Variants in DPYD observed in about 807,000 individuals in gnomAD.
The protein encoded by DPYD is dihydropyrimidine dehydrogenase [NADP(+)].
Under a neutral mutation model 116.2 loss-of-function variants are expected in DPYD, and 109 were observed. The ratio of observed to expected loss-of-function variants is 0.94; its 90% CI spans 0.80 to 1.10. DPYD has a LOEUF of 1.10. Among genes scored for constraint, DPYD ranks in the 50% least tolerant of loss-of-function variants. The probability of loss-of-function intolerance (pLI) is 0.00; values close to 1 mark genes in which losing one functional copy is unlikely to be tolerated. For missense variants in DPYD, 1,302 were observed against 1,254.5 expected (o/e 1.04, Z -0.57); for synonymous variants, 440 against 432.0 (o/e 1.02, Z -0.23).
chr1:97,702,002 C>T (rs905637295), intron 5 of DPYD, among the ~76,000 whole-genome samples: 27 of 151,542 alleles, frequency 1.8e-4, no homozygotes, highest in Admixed American at 1.7e-3. Flanking sequence ...GTATAATTTA[C>T]AAATTATTAA....
intron 3 of DPYD, among the ~76,000 whole-genome samples, chr1:97,779,199 T>G (rs1246223048): frequency 2.0e-5 from 3 of 152,112 alleles, no homozygotes; most frequent in Non-Finnish European, 2.9e-5. Context: ...TATAACTGAT[T>G]ACATGCTGGC....
chr1:97,578,888 G>A (rs1461654316), intron 10 of DPYD, among the ~76,000 whole-genome samples: 1 of 151,968 alleles, frequency 6.6e-6, no homozygotes, highest in Non-Finnish European at 1.5e-5. Context: ...CAGATAAAGA[G>A]TAAATTTAGA....
At chr1:97,178,001 A>T (rs1307661595) in intron 20 of DPYD, among the ~76,000 whole-genome samples, 1 of 152,098 alleles carries the variant, frequency 6.6e-6, no homozygotes. Flanking sequence ...AAGGACGCTA[A>T]TTTTATTGCC....
At chr1:97,191,134 A>C (rs1356182929) in intron 20 of DPYD, among the ~76,000 whole-genome samples, 1 of 152,026 alleles carries the variant, frequency 6.6e-6, no homozygotes, top group Non-Finnish European at 1.5e-5. Flanking sequence ...AAGAATGATT[A>C]GTTTGCTGAG....
intron 16 of DPYD, among the ~76,000 whole-genome samples, chr1:97,309,982 T>A (rs1441826613): frequency 6.6e-6 from 1 of 151,710 alleles, no homozygotes; most frequent in Non-Finnish European, 1.5e-5. Flanking sequence ...CAAATCTCAC[T>A]GGTTTCATGT....
chr1:97,692,937 A>G (rs1661092641), intron 6 of DPYD, among the ~76,000 whole-genome samples: 1 of 152,190 alleles, frequency 6.6e-6, no homozygotes, highest in African/African-American at 2.4e-5. Context: ...TGATGACTTA[A>G]GAACTTGATT....
chr1:97,902,586 T>C (rs1020158955), intron 1 of DPYD, among the ~76,000 whole-genome samples: 17 of 151,838 alleles, frequency 1.1e-4, no homozygotes, highest in Admixed American at 2.6e-4. Flanking sequence ...ATCTCAAAGA[T>C]ATGTAAATTA....
chr1:97,162,482 G>A (rs1452111577), intron 20 of DPYD, among the ~76,000 whole-genome samples: 1 of 152,088 alleles, frequency 6.6e-6, no homozygotes, highest in Non-Finnish European at 1.5e-5. Flanking sequence ...AATAAAAGAG[G>A]ATACAAAGAG....
intron 3 of DPYD, among the ~76,000 whole-genome samples, chr1:97,753,587 A>G (rs1260054380): frequency 2.6e-5 from 4 of 152,166 alleles, no homozygotes; most frequent in African/African-American, 7.2e-5. Flanking sequence ...TCATTACTAT[A>G]TATTTTATAT....
chr1:97,570,427 ATGT>A (rs1652815708), intron 11 of DPYD, among the ~76,000 whole-genome samples: 1 of 151,966 alleles, frequency 6.6e-6, no homozygotes, highest in Admixed American at 6.6e-5. Flanking sequence ...CCACTATGGA[ATGT>A]TCCCTGTGCT....
chr1:97,883,966 T>G, intron 1 of DPYD: 1 of 340,294 alleles, frequency 2.9e-6, no homozygotes, highest in Non-Finnish European at 5.6e-6. Flanking sequence ...CCTAATACAA[T>G]GAAAATTTAT....
intron 3 of DPYD, among the ~76,000 whole-genome samples, chr1:97,811,919 A>C (rs1436951423): frequency 6.6e-6 from 1 of 152,116 alleles, no homozygotes; most frequent in African/African-American, 2.4e-5. Flanking sequence ...TACACATTTG[A>C]AGGTATCATT....
chr1:97,709,505 C>A (rs182017649), intron 5 of DPYD, among the ~76,000 whole-genome samples: 4 of 151,730 alleles, frequency 2.6e-5, no homozygotes, highest in African/African-American at 9.6e-5. Context: ...CCTGTGATTT[C>A]TCATCTTTCA....
At chr1:97,497,423 C>T (rs2786778) in intron 13 of DPYD, among the ~76,000 whole-genome samples, 27,186 of 151,622 alleles carry the variant, frequency 0.18, 2,610 homozygotes, top group East Asian at 0.26. Context: ...ATGTTTCTAA[C>T]AGAACTGGGT....
intron 16 of DPYD, among the ~76,000 whole-genome samples, chr1:97,355,200 C>T (rs1333401470): frequency 1.3e-5 from 2 of 152,058 alleles, no homozygotes; most frequent in Admixed American, 1.3e-4. Context: ...AATCTATCAT[C>T]TCTATAGGAA....
At chr1:97,329,349 G>A (rs952177270) in intron 16 of DPYD, among the ~76,000 whole-genome samples, 3 of 152,144 alleles carry the variant, frequency 2.0e-5, no homozygotes, top group African/African-American at 7.2e-5. Context: ...GATGTAATCA[G>A]CATTACAAAT....
At chr1:97,612,792 T>C (rs113834024) in intron 8 of DPYD, among the ~76,000 whole-genome samples, 1,744 of 152,106 alleles carry the variant, frequency 0.011, 13 homozygotes, top group Non-Finnish European at 0.018. Context: ...CAATCCCTCA[T>C]CCTCTATGCT....
intron 5 of DPYD, among the ~76,000 whole-genome samples, chr1:97,705,821 C>G (rs993771620): frequency 1.3e-5 from 2 of 151,938 alleles, no homozygotes; most frequent in Non-Finnish European, 2.9e-5. Context: ...TTAATGATCG[C>G]CATTCTAACT....
At chr1:97,683,652 T>C (rs905661297) in intron 7 of DPYD, among the ~76,000 whole-genome samples, 1 of 151,982 alleles carries the variant, frequency 6.6e-6, no homozygotes, top group Non-Finnish European at 1.5e-5. Context: ...AAAAAAGGTA[T>C]AAATAAACAT....
Sources: gnomAD v4.1 joint callset for allele counts (sites outside exome capture counted in the v4.1 genomes callset) on GRCh38, gnomAD v4.1.1 for gene constraint, MANE v1.5 for transcripts, NCBI Gene and HGNC (gene_info 2026-07-23, HGNC 2026-07-21) for gene names.